MACROD2: variants seen among roughly 807,000 people sequenced by gnomAD.
MACROD2 encodes mono-ADP ribosylhydrolase 2.
In MACROD2, 36 loss-of-function variants were observed where a neutral mutation model predicts 70.4. The observed-to-expected ratio is 0.51, with a 90% confidence interval of 0.39 to 0.68. The LOEUF (loss-of-function observed/expected upper bound fraction) is 0.68, where lower values mean the gene tolerates loss of function less well. Among genes scored for constraint, MACROD2 ranks in the 30% least tolerant of loss-of-function variants. The pLI is 0.00. For missense variants in MACROD2, 496 were observed against 538.4 expected, an observed-to-expected ratio of 0.92 and a Z score of 0.78; for synonymous variants, 172 against 178.8, an observed-to-expected ratio of 0.96 and a Z score of 0.30.
intron 8 of MACROD2, chr20:15,552,391 A>T (rs2048111327): frequency 6.6e-6 from 1 of 152,190 alleles, no homozygotes; most frequent in African/African-American, 2.4e-5. Context: ...ATCTCTCATT[A>T]TTCCGCAATA....
chr20:14,158,647 A>T (rs1165664306), intron 3 of MACROD2, among the ~76,000 whole-genome samples: 1 of 152,126 alleles, frequency 6.6e-6, no homozygotes, highest in Non-Finnish European at 1.5e-5. Flanking sequence ...TTTTCCCAGC[A>T]CCATTTATTG....
intron 8 of MACROD2, among the ~76,000 whole-genome samples, chr20:15,825,893 G>A (rs1027617146): frequency 6.6e-6 from 1 of 152,092 alleles, no homozygotes; most frequent in East Asian, 1.9e-4. Context: ...TTCATGAAGA[G>A]CAGTCAATGT....
chr20:15,494,768 T>C (rs201601169), intron 7 of MACROD2, among the ~76,000 whole-genome samples: 1 of 126,028 alleles, frequency 7.9e-6, no homozygotes, highest in Non-Finnish European at 1.6e-5. Flanking sequence ...TGTGTGCGCG[T>C]GTGTGTGTGC....
chr20:15,985,894 C>T (rs2066474982), intron 13 of MACROD2: 1 of 152,226 alleles, frequency 6.6e-6, no homozygotes, highest in South Asian at 2.1e-4. Context: ...CAATTTCTGT[C>T]CCTTTTAAGG....
Position 14,766,541 on chromosome 20 carries a change from T to G in MACROD2, c.418+81582T>G, listed in dbSNP as rs1461090936. On this transcript the variant is annotated intron_variant, in intron 5 of 17. Coordinates refer to ENST00000684519, the MANE Select transcript of MACROD2 (RefSeq NM_001351661.2). ...GAGGGATATAAACCTCACTGAAGCC[T>G]TGTAAGATTAACCAATAATTGTATG... Among the ~76,000 whole-genome samples the G allele has an allele frequency of 2.6e-5, 4 of 152,098 alleles. No homozygotes were observed. In the East Asian group the frequency reaches 7.7e-4, roughly 29 times the overall value.
At chr20:15,241,708 T>C (rs2077061016) in intron 6 of MACROD2, among the ~76,000 whole-genome samples, 2 of 147,926 alleles carry the variant, frequency 1.4e-5, no homozygotes, top group African/African-American at 5.0e-5. Flanking sequence ...AAACAGCTTC[T>C]CAAGCATTTG....
chr20:15,094,228 G>A (rs910428810), intron 5 of MACROD2, among the ~76,000 whole-genome samples: 1 of 152,052 alleles, frequency 6.6e-6, no homozygotes, highest in Non-Finnish European at 1.5e-5. Context: ...TGAATACAAA[G>A]CTTTATCAGA....
intron 8 of MACROD2, among the ~76,000 whole-genome samples, chr20:15,557,422 A>G (rs1010715723): frequency 6.6e-6 from 1 of 152,218 alleles, no homozygotes; most frequent in Admixed American, 6.5e-5. Context: ...AGAGAAAAAA[A>G]TAAAAGGGGT....
chr20:16,013,339 T>G (rs1293135401), intron 15 of MACROD2, among the ~76,000 whole-genome samples: 1 of 152,112 alleles, frequency 6.6e-6, no homozygotes, highest in Non-Finnish European at 1.5e-5. Context: ...GTGGTGTAAA[T>G]GTAAGATGAT....
intron 8 of MACROD2, among the ~76,000 whole-genome samples, chr20:15,533,581 CTT>C (rs1277543750): frequency 7.3e-6 from 1 of 137,402 alleles, no homozygotes; most frequent in African/African-American, 2.9e-5. Flanking sequence ...CTCTCTCTCT[CTT>C]TTTAAGAAGA....
intron 2 of MACROD2, among the ~76,000 whole-genome samples, chr20:14,040,550 C>A (rs1207964001): frequency 6.6e-6 from 1 of 151,982 alleles, no homozygotes; most frequent in Non-Finnish European, 1.5e-5. Flanking sequence ...ATCTTTTATC[C>A]CTCACCCCCA....
intron 3 of MACROD2, among the ~76,000 whole-genome samples, chr20:14,330,746 A>G (rs924007966): frequency 7.9e-5 from 12 of 152,248 alleles, no homozygotes; most frequent in Admixed American, 2.0e-4. Flanking sequence ...TTATTGTTTA[A>G]TGTGAGGTTT....
chr20:16,030,962 C>T (rs151254758), intron 15 of MACROD2, among the ~76,000 whole-genome samples: 29 of 152,074 alleles, frequency 1.9e-4, no homozygotes, highest in East Asian at 7.7e-4. Context: ...ATAAGTTTAA[C>T]GATTTTTAAT....
intron 8 of MACROD2, among the ~76,000 whole-genome samples, chr20:15,535,815 G>T (rs1200417114): frequency 6.6e-6 from 1 of 152,150 alleles, no homozygotes; most frequent in African/African-American, 2.4e-5. Flanking sequence ...AATTATGGAT[G>T]AGAAATAAAT....
At chr20:16,009,063 T>C (rs1318109325) in intron 15 of MACROD2, among the ~76,000 whole-genome samples, 1 of 151,962 alleles carries the variant, frequency 6.6e-6, no homozygotes, top group Non-Finnish European at 1.5e-5. Flanking sequence ...GCAGATGTGC[T>C]GTGTCATGAG....
chr20:14,186,649 A>T (rs1190443194), intron 3 of MACROD2, among the ~76,000 whole-genome samples: 3 of 152,196 alleles, frequency 2.0e-5, no homozygotes, highest in Non-Finnish European at 4.4e-5. Flanking sequence ...ATTCACTCAT[A>T]TGTTCATTGC....
chr20:14,784,252 A>C (rs1406538833), intron 5 of MACROD2, among the ~76,000 whole-genome samples: 22 of 152,034 alleles, frequency 1.4e-4, no homozygotes, highest in Admixed American at 1.4e-3. Flanking sequence ...TCTTCTAGCC[A>C]CATATGTCTG....
chr20:14,781,520 T>A (rs2072300983), intron 5 of MACROD2, among the ~76,000 whole-genome samples: 2 of 148,656 alleles, frequency 1.3e-5, no homozygotes, highest in South Asian at 4.3e-4. Flanking sequence ...TGCAAAAAAA[T>A]CTGTGTATGG....
intron 4 of MACROD2, among the ~76,000 whole-genome samples, chr20:14,525,727 A>T (rs959538546): frequency 9.9e-5 from 15 of 152,224 alleles, no homozygotes; most frequent in Non-Finnish European, 1.9e-4. Flanking sequence ...CCATTTAGGT[A>T]TGTTAGTTAG....
Sources: gnomAD v4.1 joint callset for allele counts (sites outside exome capture counted in the v4.1 genomes callset) on GRCh38, gnomAD v4.1.1 for gene constraint, MANE v1.5 for transcripts, NCBI Gene and HGNC (gene_info 2026-07-23, HGNC 2026-07-21) for gene names.